FBXL17: variants seen among roughly 807,000 people sequenced by gnomAD.
FBXL17 encodes F-box and leucine rich repeat protein 17.
A neutral mutation model predicts 66.2 loss-of-function variants in FBXL17; 22 were observed. The ratio of observed to expected loss-of-function variants is 0.33; its 90% CI spans 0.24 to 0.47. FBXL17 has a LOEUF of 0.47. Ranked by LOEUF, FBXL17 falls within the 20% of genes least tolerant of loss-of-function variation. FBXL17 has a pLI of 1.00. For missense variants in FBXL17, 878 were observed against 948.2 expected (o/e 0.93, Z 0.97); for synonymous variants, 474 against 400.5 (o/e 1.18, Z -2.19).
At chr5:108,154,143 T>C (rs1027832921) in intron 6 of FBXL17, among the ~76,000 whole-genome samples, 2 of 151,162 alleles carry the variant, frequency 1.3e-5, no homozygotes, top group African/African-American at 2.4e-5. Flanking sequence ...CAGCAAACAT[T>C]GAATTTGGAT....
chr5:108,154,335 T>C (rs1190496199), intron 6 of FBXL17, among the ~76,000 whole-genome samples: 1 of 147,426 alleles, frequency 6.8e-6, no homozygotes, highest in East Asian at 2.0e-4. Context: ...GGCTCACGCC[T>C]GTAATCCCAG....
At chr5:108,315,632 A>C (rs1046037513) in intron 4 of FBXL17, among the ~76,000 whole-genome samples, 1 of 150,324 alleles carries the variant, frequency 6.7e-6, no homozygotes, top group African/African-American at 2.5e-5. Flanking sequence ...AAAAAGAGAG[A>C]AAAAAAATCC....
At chr5:108,325,234 A>C (rs1218983239) in intron 4 of FBXL17, among the ~76,000 whole-genome samples, 5 of 152,056 alleles carry the variant, frequency 3.3e-5, no homozygotes. Flanking sequence ...TAAGAGATAA[A>C]AAAACTGATA....
Position 108,381,500 on chromosome 5 carries a change from G to A in FBXL17, c.192C>T (p.Ile64=). Residue 64 remains isoleucine, a synonymous_variant, in exon 1 of 9, where the codon ATC becomes ATT. Coordinates refer to ENST00000542267, the MANE Select transcript of FBXL17 (RefSeq NM_001163315.3). The part of the protein sequence containing the change: ...FFRGPCMLCF[I]VHSPGAPAPA... ...GGGCGGGCGCGCCGGGACTGTGCAC[G>A]ATGAAGCAGAGCATGCAGGGCCCGC... 1 of 1,392,284 alleles carries A rather than the reference G, an allele frequency of 7.2e-7. No individual in the cohort carries two copies. Among genetic ancestry groups the A allele is most frequent in the Non-Finnish European group, 9.2e-7 (1 of 1,083,946 alleles). The allele number at this position is 1,392,284 out of a possible 1,614,324, so 86.2% of individuals were successfully genotyped here.
intron 7 of FBXL17, among the ~76,000 whole-genome samples, chr5:107,924,798 A>T (rs1385294851): frequency 6.6e-6 from 1 of 152,218 alleles, no homozygotes; most frequent in African/African-American, 2.4e-5. Context: ...GAAATTCTCG[A>T]GACCAGTTTA....
At chr5:107,996,807 C>T (rs777173896) in intron 7 of FBXL17, among the ~76,000 whole-genome samples, 64 of 152,152 alleles carry the variant, frequency 4.2e-4, no homozygotes, top group Non-Finnish European at 7.9e-4. Context: ...GGGTTTTGAA[C>T]TTAGGCCTGC....
chr5:108,220,355 G>T (rs975945187), intron 5 of FBXL17, among the ~76,000 whole-genome samples: 4 of 152,060 alleles, frequency 2.6e-5, no homozygotes, highest in African/African-American at 7.2e-5. Flanking sequence ...CCCCCAACCT[G>T]TGCTGCAGTC....
At chr5:108,262,066 ATT>A (rs1164308201) in intron 4 of FBXL17, among the ~76,000 whole-genome samples, 2 of 134,060 alleles carry the variant, frequency 1.5e-5, no homozygotes, top group Middle Eastern at 3.7e-3. Flanking sequence ...TTATTTATTT[ATT>A]TATTTATTTA....
intron 4 of FBXL17, among the ~76,000 whole-genome samples, chr5:108,231,024 G>A (rs867247169): frequency 8.6e-5 from 13 of 151,994 alleles, no homozygotes; most frequent in African/African-American, 3.1e-4. Context: ...AAATCCTAGG[G>A]TGATTCTTAT....
chr5:108,345,486 A>G (rs1170201521), intron 4 of FBXL17, among the ~76,000 whole-genome samples: 1 of 151,508 alleles, frequency 6.6e-6, no homozygotes, highest in African/African-American at 2.4e-5. Flanking sequence ...CCTTTTCTAA[A>G]GTTTATCTTA....
intron 1 of FBXL17, among the ~76,000 whole-genome samples, chr5:108,368,198 G>A (rs1466651625): frequency 3.3e-5 from 5 of 151,388 alleles, no homozygotes; most frequent in African/African-American, 7.3e-5. Context: ...GTACTGACAC[G>A]TGTTCATGCA....
chr5:108,294,615 A>C (rs530485253), intron 4 of FBXL17, among the ~76,000 whole-genome samples: 2 of 152,062 alleles, frequency 1.3e-5, no homozygotes, highest in Non-Finnish European at 2.9e-5. Context: ...AATCAAATTT[A>C]ACTCTCTCTC....
chr5:107,868,877 C>A (rs1436058770), intron 8 of FBXL17, among the ~76,000 whole-genome samples: 2 of 150,790 alleles, frequency 1.3e-5, no homozygotes, highest in Non-Finnish European at 2.9e-5. Flanking sequence ...AGAAAGGAAA[C>A]CAGCTCATGA....
chr5:108,097,341 T>G lies in FBXL17; in HGVS notation c.1746-76340A>C, dbSNP rs149106623. Among the ~76,000 whole-genome samples, 529 of 152,322 alleles carry G rather than the reference T, an allele frequency of 3.5e-3. 2 individuals carry two copies. Among genetic ancestry groups the G allele is most frequent in the African/African-American group, 0.012 (511 of 41,568 alleles). ...AGTCTCAGGTAGTATCTTTCTGGCA[T>G]TGTGAAAATGGACTAATACATATAT... On this transcript the variant is annotated intron_variant, in intron 6 of 8. Transcript: ENST00000542267.
In FBXL17 at chr5:108,205,159, C is replaced by T. The variant is rs574445863; in HGVS notation, c.1615-18912G>A. On this transcript the variant is annotated intron_variant, in intron 5 of 8. Coordinates refer to ENST00000542267, the MANE Select transcript of FBXL17 (RefSeq NM_001163315.3). ...TTTATTATCATACAAGCCATCCTCC[C>T]GCTTCAGCATGCCAAGCATCTGAGA... Among the ~76,000 whole-genome samples the T allele has an allele frequency of 2.6e-5, 4 of 152,130 alleles. No homozygotes were observed. In the South Asian group the frequency reaches 6.2e-4, roughly 24 times the overall value.
At chr5:108,282,915 A>AC (rs907881575) in intron 4 of FBXL17, among the ~76,000 whole-genome samples, 1 of 149,242 alleles carries the variant, frequency 6.7e-6, no homozygotes, top group Non-Finnish European at 1.5e-5. Flanking sequence ...AATAGCAACA[A>AC]AAAAAAAAAA....
rs1340630946 is a variant in FBXL17 at position 107,924,828 on chromosome 5, T to C, written c.1823-43649A>G. ...AGTTTAAGAATTCAATAAAATTTCTTGTGCCTAATAACACTTGCTCAGCTG... is the reference window on the plus strand; with the variant it reads ...AGTTTAAGAATTCAATAAAATTTCTCGTGCCTAATAACACTTGCTCAGCTG... On this transcript the variant is annotated intron_variant, in intron 7 of 8. Coordinates refer to ENST00000542267, the MANE Select transcript of FBXL17 (RefSeq NM_001163315.3). Among the ~76,000 whole-genome samples, 4 of 152,338 alleles carry C rather than the reference T, an allele frequency of 2.6e-5. No individual in the cohort carries two copies. The South Asian group carries it at 8.3e-4, about 32-fold the overall frequency.
chr5:108,097,274 G>T (rs1455451479), intron 6 of FBXL17, among the ~76,000 whole-genome samples: 1 of 152,146 alleles, frequency 6.6e-6, no homozygotes, highest in Non-Finnish European at 1.5e-5. Context: ...CAGCTGTGTG[G>T]AACTGTGAGT....
intron 4 of FBXL17, among the ~76,000 whole-genome samples, chr5:108,314,993 AAAC>A (rs1759295011): frequency 6.6e-6 from 1 of 151,022 alleles, no homozygotes; most frequent in African/African-American, 2.4e-5. Context: ...TGTAAATTCT[AAAC>A]AACAAACACC....
Sources: gnomAD v4.1 joint callset for allele counts (sites outside exome capture counted in the v4.1 genomes callset) on GRCh38, gnomAD v4.1.1 for gene constraint, MANE v1.5 for transcripts, NCBI Gene and HGNC (gene_info 2026-07-23, HGNC 2026-07-21) for gene names.